Variants in SLC39A9 observed in about 807,000 individuals in gnomAD.
SLC39A9 encodes solute carrier family 39 member 9, also known as zinc transporter ZIP9.
A neutral mutation model predicts 28.4 loss-of-function variants in SLC39A9; 14 were observed. The observed-to-expected ratio is 0.49, with a 90% CI of 0.33 to 0.77. The LOEUF (loss-of-function observed/expected upper bound fraction) is 0.77. Among genes scored for constraint, SLC39A9 ranks in the 30% least tolerant of loss-of-function variants. The pLI is 0.02. For missense variants in SLC39A9, 283 were observed against 381.1 expected, an observed-to-expected ratio of 0.74 and a Z score of 2.14; for synonymous variants, 119 against 149.6, an observed-to-expected ratio of 0.80 and a Z score of 1.49.
At chr14:69,439,055 A>G (rs1473210117) in intron 2 of SLC39A9, among the ~76,000 whole-genome samples, 1 of 152,216 alleles carries the variant, frequency 6.6e-6, no homozygotes, top group Non-Finnish European at 1.5e-5. Context: ...CACACACAAA[A>G]AAATTAGAAC....
At chr14:69,400,995 AG>A (rs1275663868) in intron 1 of SLC39A9, among the ~76,000 whole-genome samples, 2 of 151,722 alleles carry the variant, frequency 1.3e-5, no homozygotes, top group Non-Finnish European at 2.9e-5. Context: ...AAAAAAAAAA[AG>A]AAAATAAAAA....
At chr14:69,434,639 A>C (rs974713814) in intron 2 of SLC39A9, among the ~76,000 whole-genome samples, 10 of 152,124 alleles carry the variant, frequency 6.6e-5, no homozygotes, top group Non-Finnish European at 1.0e-4. Flanking sequence ...ATGCCGCTGC[A>C]CTCTAGGCTG....
At chr14:69,448,740 T>C (rs1444949679) in intron 3 of SLC39A9, among the ~76,000 whole-genome samples, 1 of 152,168 alleles carries the variant, frequency 6.6e-6, no homozygotes, top group Non-Finnish European at 1.5e-5. Context: ...AAAATTACAA[T>C]ATGCAAGAAA....
chr14:69,414,179 C>G (rs979157349), intron 1 of SLC39A9, among the ~76,000 whole-genome samples: 3 of 151,992 alleles, frequency 2.0e-5, no homozygotes, highest in African/African-American at 7.3e-5. Flanking sequence ...TCCTGAGTAG[C>G]TGGGACTACA....
chr14:69,425,231 A>G (rs764391054), intron 2 of SLC39A9, among the ~76,000 whole-genome samples: 1 of 152,228 alleles, frequency 6.6e-6, no homozygotes, highest in African/African-American at 2.4e-5. Flanking sequence ...CACTGATTTA[A>G]TGTGTACATT....
rs1168850629 is a variant in SLC39A9 at position 69,459,173 on chromosome 14, CTTTA to C, written c.*582_*585del. 1.0e-6 allele frequency: 1 copy of C among 985,664 alleles called. No homozygotes were observed. Among genetic ancestry groups the C allele is most frequent in the African/African-American group, 1.7e-5 (1 of 57,224 alleles). The allele number at this position is 985,664 out of a possible 1,614,324, so 61.1% of individuals were successfully genotyped here. On this transcript the variant is annotated 3_prime_UTR_variant, in exon 7 of 7. Transcript: ENST00000336643. ...GATAGCAAGACACATTGAAAGCTCT[CTTTA>C]TACTCAAAAGAGATATCCATTGAAA...
intron 2 of SLC39A9, among the ~76,000 whole-genome samples, chr14:69,440,449 G>A (rs1043659855): frequency 6.6e-6 from 1 of 151,998 alleles, no homozygotes; most frequent in Non-Finnish European, 1.5e-5. Flanking sequence ...AGCAGGACTT[G>A]GTAGCTCACA....
intron 6 of SLC39A9, among the ~76,000 whole-genome samples, chr14:69,457,410 C>T (rs1272258658): frequency 1.3e-5 from 2 of 151,800 alleles, no homozygotes; most frequent in Non-Finnish European, 2.9e-5. Flanking sequence ...ACCATGTTGG[C>T]CAGGCTGGTC....
chr14:69,433,554 A>C (rs953532840), intron 2 of SLC39A9, among the ~76,000 whole-genome samples: 2 of 152,174 alleles, frequency 1.3e-5, no homozygotes, highest in South Asian at 4.1e-4. Context: ...TGAATTTGCA[A>C]TCTTGGCCTG....
chr14:69,415,661 T>A (rs1883529436), intron 1 of SLC39A9, among the ~76,000 whole-genome samples: 1 of 152,106 alleles, frequency 6.6e-6, no homozygotes, highest in South Asian at 2.1e-4. Flanking sequence ...CAGGGGGGAT[T>A]CTTCTCTTGC....
chr14:69,400,818 A>T (rs1174080039), intron 1 of SLC39A9, among the ~76,000 whole-genome samples: 1 of 151,968 alleles, frequency 6.6e-6, no homozygotes, highest in African/African-American at 2.4e-5. Context: ...TCAGCATCTA[A>T]TGATAGCATT....
chr14:69,401,967 T>C (rs1882658823), intron 1 of SLC39A9, among the ~76,000 whole-genome samples: 1 of 152,186 alleles, frequency 6.6e-6, no homozygotes, highest in African/African-American at 2.4e-5. Context: ...GGTAAATTTG[T>C]AAAAATAAAT....
intron 1 of SLC39A9, among the ~76,000 whole-genome samples, 163 bp downstream of exon 1, chr14:69,399,628 C>A (rs1434256099): frequency 1.3e-5 from 2 of 152,100 alleles, no homozygotes; most frequent in Non-Finnish European, 2.9e-5. Context: ...TAGAAAGAAA[C>A]CTCATATTCA....
chr14:69,406,755 A>G (rs1594899345), intron 1 of SLC39A9, among the ~76,000 whole-genome samples: 2 of 152,016 alleles, frequency 1.3e-5, no homozygotes, highest in East Asian at 3.9e-4. Flanking sequence ...TAATGAAATT[A>G]CAGAAATCTC....
intron 3 of SLC39A9, among the ~76,000 whole-genome samples, chr14:69,444,659 A>G (rs533978960): frequency 1.3e-5 from 2 of 152,340 alleles, no homozygotes; most frequent in South Asian, 4.1e-4. Context: ...GATTTACTCA[A>G]ATACAGCTCC....
At position 69,458,639 on chromosome 14, in the gene SLC39A9, A is replaced by G; in HGVS notation, c.*46A>G. On this transcript the variant is annotated 3_prime_UTR_variant, in exon 7 of 7. Transcript: ENST00000336643. ...GTCCAGGGCCGTTTGCCATCCAGTG[A>G]GAACAGCCGGCACGTGACAGCTACT... 6.5e-7 allele frequency: 1 copy of G among 1,529,278 alleles called. No homozygotes were observed. 94.7% of individuals were successfully genotyped at this position (1,529,278 alleles called of 1,614,324 possible).
At chr14:69,437,598 T>G (rs936768746) in intron 2 of SLC39A9, among the ~76,000 whole-genome samples, 13 of 151,926 alleles carry the variant, frequency 8.6e-5, no homozygotes, top group Non-Finnish European at 1.5e-4. Flanking sequence ...TTGTTTGTTT[T>G]TTTTTTTTTG....
At chr14:69,425,902 C>T (rs183995966) in intron 2 of SLC39A9, among the ~76,000 whole-genome samples, 5 of 152,140 alleles carry the variant, frequency 3.3e-5, no homozygotes, top group African/African-American at 7.2e-5. Flanking sequence ...GGGACTCAAG[C>T]GATCCTCCCA....
chr14:69,453,182 A>G (rs577426079), intron 3 of SLC39A9, 59 bp from the exon 4 acceptor site: 74 of 1,457,198 alleles, frequency 5.1e-5, no homozygotes, highest in Non-Finnish European at 6.4e-5. Context: ...CTCCAGACCA[A>G]TGTTTGAACA....
Sources: gnomAD v4.1 joint callset for allele counts (sites outside exome capture counted in the v4.1 genomes callset) on GRCh38, gnomAD v4.1.1 for gene constraint, MANE v1.5 for transcripts, NCBI Gene and HGNC (gene_info 2026-07-23, HGNC 2026-07-21) for gene names.